Variants in RRM2B observed in about 807,000 individuals in gnomAD.
The protein encoded by RRM2B is ribonucleotide reductase regulatory TP53 inducible subunit M2B.
In RRM2B, 20 loss-of-function variants were observed where a neutral mutation model predicts 45.9. That is an observed-to-expected ratio of 0.44 (90% CI 0.31 to 0.63). The LOEUF (loss-of-function observed/expected upper bound fraction) is 0.63, where lower values mean the gene tolerates loss of function less well. Ranked by LOEUF, RRM2B falls within the 30% of genes least tolerant of loss-of-function variation. RRM2B has a pLI of 0.09. For missense variants in RRM2B, 320 were observed against 414.7 expected, an observed-to-expected ratio of 0.77 and a Z score of 1.98; for synonymous variants, 124 against 132.3, an observed-to-expected ratio of 0.94 and a Z score of 0.43.
chr8:102,232,035 T>C (rs771090996), intron 2 of RRM2B, 114 bp downstream of exon 2: 7 of 992,628 alleles, frequency 7.1e-6, no homozygotes, highest in African/African-American at 1.6e-5. Flanking sequence ...CCAACACTTA[T>C]CTTCTACAAC....
chr8:102,215,944 C>CAAAAAAAAAAAAAAAAAAAAA (rs60059243), intron 6 of RRM2B, among the ~76,000 whole-genome samples: 70 of 75,686 alleles, frequency 9.2e-4, no homozygotes, highest in African/African-American at 2.0e-3. Flanking sequence ...GACCCTGTCT[C>CAAAAAAAAAAAAAAAAAAAAA]AAAAAAAAAA....
chr8:102,232,062 A>G (rs1052120784), intron 2 of RRM2B, 87 bp downstream of exon 2: 62 of 1,179,418 alleles, frequency 5.3e-5, no homozygotes, highest in African/African-American at 1.1e-4. Flanking sequence ...TCTTCAATGT[A>G]TAAGTTAAAG....
At chr8:102,229,398 T>C (rs142090339) in intron 2 of RRM2B, among the ~76,000 whole-genome samples, 1 of 152,382 alleles carries the variant, frequency 6.6e-6, no homozygotes, top group East Asian at 1.9e-4. Flanking sequence ...ATTTATTCTT[T>C]AAGTGTTTGC....
chr8:102,214,027 G>T, intron 7 of RRM2B, 27 bp downstream of exon 7: 1 of 1,402,330 alleles, frequency 7.1e-7, no homozygotes, highest in Non-Finnish European at 1.0e-6. Context: ...AGAGAGATGT[G>T]CTAATTACAC....
intron 6 of RRM2B, among the ~76,000 whole-genome samples, chr8:102,216,366 T>C (rs1372365992): frequency 6.6e-6 from 1 of 152,102 alleles, no homozygotes; most frequent in Non-Finnish European, 1.5e-5. Context: ...AATTAATTTA[T>C]CTCTGGAAGT....
intron 8 of RRM2B, among the ~76,000 whole-genome samples, chr8:102,209,188 G>GCTT (rs1810595291): frequency 6.6e-6 from 1 of 152,076 alleles, no homozygotes; most frequent in Admixed American, 6.6e-5. Flanking sequence ...TGGAGATACA[G>GCTT]CTTGATGGAA....
chr8:102,223,845 T>G (rs1810877380), intron 5 of RRM2B, among the ~76,000 whole-genome samples: 1 of 152,250 alleles, frequency 6.6e-6, no homozygotes, highest in Non-Finnish European at 1.5e-5. Context: ...AACTTCCAAC[T>G]TATTAAGTAG....
At chr8:102,208,797 A>T (rs1810585920) in intron 8 of RRM2B, among the ~76,000 whole-genome samples, 1 of 152,216 alleles carries the variant, frequency 6.6e-6, no homozygotes, top group Non-Finnish European at 1.5e-5. Flanking sequence ...TAGTGACTAG[A>T]TGTCTCCAAA....
At chr8:102,231,947 T>C (rs1345932592) in intron 2 of RRM2B, among the ~76,000 whole-genome samples, 4 of 152,028 alleles carry the variant, frequency 2.6e-5, no homozygotes, top group Admixed American at 2.6e-4. Flanking sequence ...TTAGATGCCA[T>C]TGTTGCAGCA....
At position 102,232,235 on chromosome 8, in the gene RRM2B, G is replaced by A. The variant is rs776184830; in HGVS notation, c.118C>T (p.Arg40Cys). 11 of 1,614,028 alleles carry A rather than the reference G, an allele frequency of 6.8e-6. No homozygotes were observed. Among genetic ancestry groups the A allele is most frequent in the Admixed American group, 3.3e-5 (2 of 60,020 alleles). The change falls in exon 2 of 9, where the codon CGC (arginine) becomes TGC (cysteine). Residue 40 changes from arginine to cysteine, a missense_variant. Arg to Cys is a radical substitution (Grantham distance 180, BLOSUM62 -3). This residue lies in a region of RRM2B where 225 missense variants were observed against 289.4 expected (regional missense o/e 0.78). Coordinates refer to ENST00000251810, the MANE Select transcript of RRM2B (RefSeq NM_015713.5). Reference protein sequence around the residue: ...NEEPLLRKSSRRFVIFPIQYP... With the variant: ...NEEPLLRKSSCRFVIFPIQYP... The stretch of plus-strand genomic sequence containing the variant: ...TGGATTGGAAAGATGACAAACCGGC[G>A]AGAACTCTTTCTTAGGAGTGGCTCT...
In RRM2B at chr8:102,206,144, T is replaced by C. The variant is rs1810540892; in HGVS notation, c.*1989A>G. 1 of 152,046 alleles carries C rather than the reference T, an allele frequency of 6.6e-6. No homozygotes were observed. Among genetic ancestry groups the C allele is most frequent in the African/African-American group, 2.4e-5 (1 of 41,438 alleles). The allele number at this position is 152,046 out of a possible 1,614,324, so 9.4% of individuals were successfully genotyped here. A position where few individuals can be genotyped will look rare whatever the true frequency, so the allele number is the denominator to read the frequency against. ...GTCTCTCTATATTTTGATACTTTAA[T>C]ATATATATTTAAAGTATATTCAATT... On this transcript the variant is annotated 3_prime_UTR_variant, in exon 9 of 9. Coordinates refer to ENST00000251810, the MANE Select transcript of RRM2B (RefSeq NM_015713.5).
intron 2 of RRM2B, among the ~76,000 whole-genome samples, chr8:102,228,527 G>T (rs1810973469): frequency 6.6e-6 from 1 of 152,222 alleles, no homozygotes. Context: ...AAGGCAGAGG[G>T]CCCACTGAGC....
At chr8:102,224,664 G>A (rs992277599) in intron 4 of RRM2B, among the ~76,000 whole-genome samples, 3 of 152,156 alleles carry the variant, frequency 2.0e-5, no homozygotes, top group African/African-American at 4.8e-5. Context: ...CTAAACAGAA[G>A]ATGCTACTGA....
intron 1 of RRM2B, 97 bp from the exon 2 acceptor site, chr8:102,232,401 G>T: frequency 1.6e-6 from 2 of 1,234,602 alleles, no homozygotes; most frequent in Non-Finnish European, 2.3e-6. Flanking sequence ...GACGGCATTG[G>T]TTTGAGAGCC....
intron 6 of RRM2B, 101 bp from the exon 7 acceptor site, chr8:102,214,259 A>G: frequency 1.2e-6 from 1 of 810,070 alleles, no homozygotes; most frequent in Non-Finnish European, 2.1e-6. Flanking sequence ...GGAATATAAC[A>G]CAGAACTTCT....
At position 102,205,095 on chromosome 8, in the gene RRM2B, A is replaced by G. The variant is rs1226248120; in HGVS notation, c.*3038T>C. The G allele has an allele frequency of 6.6e-6, 1 of 152,218 alleles. No homozygotes were observed. Among genetic ancestry groups the G allele is most frequent in the Non-Finnish European group, 1.5e-5 (1 of 68,016 alleles). 9.4% of individuals were successfully genotyped at this position (152,218 alleles called of 1,614,324 possible). ...CTGCTGGGGAAGATTTCCCAAGTCC[A>G]CTACCAATTCACTCAACTTGGTTTA... On this transcript the variant is annotated 3_prime_UTR_variant, in exon 9 of 9. Transcript: ENST00000251810.
rs1040976034 is a variant in RRM2B, at chr8:102,204,924, A to G, written c.*3209T>C. On this transcript the variant is annotated 3_prime_UTR_variant, in exon 9 of 9. Coordinates refer to ENST00000251810, the MANE Select transcript of RRM2B (RefSeq NM_015713.5). Reference sequence around the variant, plus strand: ...TTTTTTAAACAAGATTAAGCCCCAAATTGAAGGGATTAAATCCTTTCTTCC... The same window carrying G: ...TTTTTTAAACAAGATTAAGCCCCAAGTTGAAGGGATTAAATCCTTTCTTCC... 1 of 152,204 alleles carries G rather than the reference A, an allele frequency of 6.6e-6. No homozygotes were observed. Among genetic ancestry groups the G allele is most frequent in the African/African-American group, 2.4e-5 (1 of 41,460 alleles). The allele number at this position is 152,204 out of a possible 1,614,324, so 9.4% of individuals were successfully genotyped here.
intron 1 of RRM2B, 96 bp from the exon 2 acceptor site, chr8:102,232,400 G>T: frequency 8.0e-7 from 1 of 1,246,518 alleles, no homozygotes; most frequent in Non-Finnish European, 1.2e-6. Context: ...AGACGGCATT[G>T]GTTTGAGAGC....
chr8:102,215,045 TAAAAA>T (rs3063793), intron 6 of RRM2B, among the ~76,000 whole-genome samples: 1 of 61,778 alleles, frequency 1.6e-5, no homozygotes, highest in African/African-American at 6.8e-5. Flanking sequence ...AGCTAAATAT[TAAAAA>T]AAAAAAAAAA....
Sources: gnomAD v4.1 joint callset for allele counts (sites outside exome capture counted in the v4.1 genomes callset) on GRCh38, gnomAD v4.1.1 for gene constraint, gnomAD v4.1.1 regional missense constraint, MANE v1.5 for transcripts, NCBI Gene and HGNC (gene_info 2026-07-23, HGNC 2026-07-21) for gene names.